CEP83: variants seen among roughly 807,000 people sequenced by gnomAD.
CEP83 encodes the protein centrosomal protein 83.
In CEP83, 70 loss-of-function variants were observed where a neutral mutation model predicts 101.9. The ratio of observed to expected loss-of-function variants is 0.69; its 90% confidence interval spans 0.57 to 0.84. The LOEUF (loss-of-function observed/expected upper bound fraction) is 0.84. CEP83 is among the 40% of genes least tolerant of loss of function. The pLI is 0.00. For synonymous variants in CEP83, 264 were observed against 267.9 expected, an observed-to-expected ratio of 0.99 and a Z score of 0.14; for missense variants, 715 against 787.2, an observed-to-expected ratio of 0.91 and a Z score of 1.10.
At chr12:94,457,958 A>G (rs1459225899) in intron 1 of CEP83, among the ~76,000 whole-genome samples, 2 of 152,140 alleles carry the variant, frequency 1.3e-5, no homozygotes, top group Non-Finnish European at 2.9e-5. Flanking sequence ...GCACTTTGGG[A>G]GGTCAAGGTG....
intron 1 of CEP83, among the ~76,000 whole-genome samples, chr12:94,451,162 C>T (rs572093438): frequency 1.1e-4 from 17 of 152,040 alleles, no homozygotes; most frequent in East Asian, 1.9e-4. Context: ...ATCAAATGCA[C>T]GGTTAATTCA....
chr12:94,319,937 T>C (rs1971363898), intron 14 of CEP83, among the ~76,000 whole-genome samples: 1 of 152,212 alleles, frequency 6.6e-6, no homozygotes, highest in African/African-American at 2.4e-5. Context: ...GATTTAATAC[T>C]GTCAGTGGAA....
rs140758163 is a variant in CEP83 at position 94,350,859 on chromosome 12, C to T, written c.1344-15195G>A. ...AAGATGCATATTAAAAGATGCTCGA[C>T]ATCACTAATCATTAGAAAGATGCAA... is the stretch of plus-strand genomic sequence containing the variant. On this transcript the variant is annotated intron_variant, in intron 11 of 16. Coordinates refer to ENST00000397809, the MANE Select transcript of CEP83 (RefSeq NM_016122.3). Among the ~76,000 whole-genome samples the T allele has an allele frequency of 2.1e-3, 326 of 152,220 alleles. 1 individual carries two copies. Among genetic ancestry groups the T allele is most frequent in the African/African-American group, 7.4e-3 (307 of 41,548 alleles).
At chr12:94,271,575 T>C in the CEP83 span, among the ~76,000 whole-genome samples, 3 of 152,234 alleles carry the variant, frequency 2.0e-5, no homozygotes, top group Non-Finnish European at 4.4e-5. Flanking sequence ...GAATCTGGGC[T>C]CAGCCACTTT....
intron 6 of CEP83, among the ~76,000 whole-genome samples, chr12:94,394,076 C>G (rs2062733604): frequency 6.6e-6 from 1 of 152,090 alleles, no homozygotes; most frequent in African/African-American, 2.4e-5. Context: ...CAATGCCATC[C>G]CCATCAAGCT....
At chr12:94,306,239 AT>A (rs1223262787), downstream of CEP83, 1 of 151,732 alleles carries the variant, frequency 6.6e-6, no homozygotes, top group African/African-American at 2.4e-5. Flanking sequence ...AAAAAAAAAG[AT>A]ACATTTTACA....
the CEP83 span, chr12:94,297,066 A>G: frequency 1.1e-6 from 1 of 874,732 alleles, no homozygotes; most frequent in Non-Finnish European, 1.9e-6. Context: ...TGGAGAGCTC[A>G]AGTCAAAAAG....
At chr12:94,383,796 G>A (rs940203096) in intron 6 of CEP83, among the ~76,000 whole-genome samples, 13 of 151,824 alleles carry the variant, frequency 8.6e-5, no homozygotes, top group African/African-American at 2.7e-4. Flanking sequence ...GGTTGTTCTA[G>A]TTATTATATT....
chr12:94,297,150 T>A, the CEP83 span: 2 of 1,611,464 alleles, frequency 1.2e-6, no homozygotes, highest in Non-Finnish European at 1.7e-6. Context: ...TTGCTTTTTT[T>A]AATGGACTGC....
chr12:94,420,118 T>A (rs2064604499), intron 2 of CEP83, among the ~76,000 whole-genome samples: 2 of 152,084 alleles, frequency 1.3e-5, no homozygotes, highest in Admixed American at 6.6e-5. Flanking sequence ...AATATTTAAA[T>A]CTCAATGAGA....
At chr12:94,392,729 T>C (rs1593660962) in intron 6 of CEP83, among the ~76,000 whole-genome samples, 1 of 152,018 alleles carries the variant, frequency 6.6e-6, no homozygotes, top group African/African-American at 2.4e-5. Flanking sequence ...ATCAACAAAA[T>C]TGATAAACTG....
At chr12:94,279,500 C>T in the CEP83 span, 22 of 1,613,330 alleles carry the variant, frequency 1.4e-5, no homozygotes, top group South Asian at 1.2e-4. Flanking sequence ...GAAAAAATCC[C>T]GGAAAACGAG....
chr12:94,306,700 G>C (rs1969057262), downstream of CEP83: 1 of 152,130 alleles, frequency 6.6e-6, no homozygotes, highest in Non-Finnish European at 1.5e-5. Flanking sequence ...ACACTGTATG[G>C]AGCATTAGGA....
At chr12:94,425,271 T>C (rs1320425820) in intron 2 of CEP83, among the ~76,000 whole-genome samples, 1 of 152,102 alleles carries the variant, frequency 6.6e-6, no homozygotes, top group Non-Finnish European at 1.5e-5. Flanking sequence ...GGAACCTAAG[T>C]GCTTGGACCA....
At chr12:94,312,555 A>G in intron 15 of CEP83, 1 of 985,330 alleles carries the variant, frequency 1.0e-6, no homozygotes, top group Non-Finnish European at 1.2e-6. Context: ...TCTCCACACC[A>G]GGAAACCAAA....
intron 11 of CEP83, among the ~76,000 whole-genome samples, chr12:94,353,522 A>G (rs1444330277): frequency 2.0e-5 from 3 of 152,210 alleles, no homozygotes; most frequent in African/African-American, 7.2e-5. Flanking sequence ...AAGAAACAGA[A>G]GATCTACAGT....
chr12:94,331,658 C>A, intron 14 of CEP83, 42 bp downstream of exon 14: 1 of 1,601,932 alleles, frequency 6.2e-7, no homozygotes, highest in Non-Finnish European at 8.5e-7. Flanking sequence ...AGGTGTGAGC[C>A]ACCATGCCTG....
chr12:94,439,192 A>C (rs2066215226), intron 1 of CEP83, among the ~76,000 whole-genome samples: 1 of 152,212 alleles, frequency 6.6e-6, no homozygotes, highest in African/African-American at 2.4e-5. Context: ...AATGAAATTG[A>C]AACACAACAA....
intron 14 of CEP83, among the ~76,000 whole-genome samples, chr12:94,324,315 G>A (rs1480670159): frequency 6.6e-6 from 1 of 152,084 alleles, no homozygotes; most frequent in Non-Finnish European, 1.5e-5. Flanking sequence ...ATAGATACAG[G>A]ACTATCCAAA....
Sources: allele counts gnomAD v4.1 joint callset (sites outside exome capture counted in the v4.1 genomes callset), GRCh38; gene constraint gnomAD v4.1.1; transcripts MANE v1.5; gene names NCBI Gene and HGNC (gene_info 2026-07-23, HGNC 2026-07-21).